CATSPERG: variants seen among roughly 807,000 people sequenced by gnomAD.
The protein encoded by CATSPERG is catsper channel auxiliary subunit gamma, also known as cation channel sperm-associated auxiliary subunit gamma.
In CATSPERG, 115 loss-of-function variants were observed where a neutral mutation model predicts 145.0. The observed-to-expected ratio is 0.79, with a 90% confidence interval of 0.68 to 0.93. The LOEUF (loss-of-function observed/expected upper bound fraction) is 0.93. Among genes scored for constraint, CATSPERG ranks in the 40% least tolerant of loss-of-function variants. The pLI is 0.00. For missense variants in CATSPERG, 1,296 were observed against 1,490.1 expected (o/e 0.87, Z 2.14); for synonymous variants, 588 against 589.0 (o/e 1.00, Z 0.02).
Position 38,346,481 on chromosome 19 carries a change from G to A in CATSPERG, c.701G>A (p.Gly234Asp), listed in dbSNP as rs1310586246. The change falls in exon 7 of 29, where the codon GGT becomes GAT. Residue 234 changes from glycine to aspartate, a missense_variant. By Grantham distance (94) the Gly-to-Asp change is moderately conservative (BLOSUM62 -1). Coordinates refer to ENST00000409235, the MANE Select transcript of CATSPERG (RefSeq NM_021185.5). ...LFNLMPQYFVGVSSRPLWHTV... is the reference protein window; with the variant it reads ...LFNLMPQYFVDVSSRPLWHTV... ...AACCTGATGCCCCAGTACTTTGTGG[G>A]TGTCTCATCGAGGCCCTTGTGGCAC... is the stretch of plus-strand genomic sequence containing the variant. The A allele has an allele frequency of 6.5e-7, 1 of 1,550,154 alleles. No homozygotes were observed. Among genetic ancestry groups the A allele is most frequent in the Admixed American group, 2.0e-5 (1 of 50,960 alleles).
At position 38,337,774 on chromosome 19, in the gene CATSPERG, A is replaced by C. The variant is rs1165286351; in HGVS notation, c.324+128A>C. The C allele has an allele frequency of 4.7e-6, 4 of 842,466 alleles. No individual in the cohort carries two copies. The South Asian group carries it at 7.8e-5, about 16-fold the overall frequency. 52.2% of individuals were successfully genotyped at this position (842,466 alleles called of 1,614,324 possible). ...TGCGCTGTTGCCCAGACTGGAGTGC[A>C]GTGGCGCGATCTCGGCTCACTGCAA... On this transcript the variant is annotated intron_variant, in intron 3 of 28. Coordinates refer to ENST00000409235, the MANE Select transcript of CATSPERG (RefSeq NM_021185.5).
At chr19:38,360,023 G>A (rs942202388) in intron 14 of CATSPERG, 3 of 985,196 alleles carry the variant, frequency 3.0e-6, no homozygotes, top group Non-Finnish European at 3.6e-6. Flanking sequence ...GAGGCTGGAG[G>A]GGATCCCCCA....
chr19:38,346,428 C>G (rs1482709898), intron 6 of CATSPERG, 22 bp from the exon 7 acceptor site: 10 of 1,513,820 alleles, frequency 6.6e-6, no homozygotes, highest in Non-Finnish European at 8.9e-6. Flanking sequence ...GTGTTGGCGT[C>G]CCTCCTGTCC....
intron 6 of CATSPERG, 131 bp downstream of exon 6, chr19:38,344,499 A>C (rs921397383): frequency 1.3e-5 from 10 of 769,144 alleles, no homozygotes; most frequent in Admixed American, 1.0e-4. Context: ...TGAAGATCCC[A>C]TTAATCTCCC....
intron 6 of CATSPERG, among the ~76,000 whole-genome samples, chr19:38,344,851 GAACA>G (rs921620628): frequency 9.8e-6 from 1 of 102,546 alleles, no homozygotes; most frequent in African/African-American, 3.5e-5. Context: ...ACCTGTACAT[GAACA>G]GACACACACA....
chr19:38,336,161 A>T (rs1310936636), intron 1 of CATSPERG: 1 of 455,460 alleles, frequency 2.2e-6, no homozygotes. Context: ...GAAGAGTAAG[A>T]AGTGGGGCAA....
chr19:38,342,730 G>T (rs947987297), intron 3 of CATSPERG, among the ~76,000 whole-genome samples: 1 of 151,828 alleles, frequency 6.6e-6, no homozygotes, highest in African/African-American at 2.4e-5. Context: ...AGCAACCAAG[G>T]CCTCCCCTTG....
chr19:38,348,811 T>C (rs973351231), intron 7 of CATSPERG, among the ~76,000 whole-genome samples: 16 of 152,102 alleles, frequency 1.1e-4, no homozygotes, highest in Admixed American at 7.9e-4. Context: ...TGAAAACAAG[T>C]TCAATGTGAA....
rs73043020 is a variant in CATSPERG at position 38,343,875 on chromosome 19, G to A, written c.470-118G>A. On this transcript the variant is annotated intron_variant, in intron 4 of 28. Transcript: ENST00000409235. ...AGAGGGGCCACACAGAGGCCCCAGT[G>A]GGACCCATGGCGTGGAGGCAGGTAT... 7.9e-4 allele frequency: 1,126 copies of A among 1,417,134 alleles called. 1 individual carries two copies. Among genetic ancestry groups the A allele is most frequent in the Non-Finnish European group, 1.0e-3 (1,080 of 1,051,760 alleles). The allele number at this position is 1,417,134 out of a possible 1,614,324, so 87.8% of individuals were successfully genotyped here. A position where few individuals can be genotyped will look rare whatever the true frequency, so the allele number is the denominator to read the frequency against.
At chr19:38,355,058 A>G (rs1020282982) in intron 9 of CATSPERG, among the ~76,000 whole-genome samples, 9 of 152,228 alleles carry the variant, frequency 5.9e-5, no homozygotes, top group Admixed American at 5.9e-4. Flanking sequence ...TTTAAAGGGC[A>G]GAAGAGCTGG....
At chr19:38,354,367 C>T (rs1970206622) in intron 8 of CATSPERG, among the ~76,000 whole-genome samples, 1 of 152,212 alleles carries the variant, frequency 6.6e-6, no homozygotes, top group Admixed American at 6.5e-5. Context: ...CAACTGTAGA[C>T]TTTTATGCCC....
chr19:38,361,120 G>A (rs1465461561), intron 16 of CATSPERG, among the ~76,000 whole-genome samples: 3 of 152,168 alleles, frequency 2.0e-5, no homozygotes, highest in Admixed American at 2.0e-4. Context: ...GGGTGTTCCA[G>A]AAAGGGGGAA....
At chr19:38,363,737 C>G (rs1970394913) in intron 20 of CATSPERG, among the ~76,000 whole-genome samples, 1 of 152,000 alleles carries the variant, frequency 6.6e-6, no homozygotes, top group Non-Finnish European at 1.5e-5. Context: ...TCCATTTAAC[C>G]CTGAGTGGAC....
chr19:38,341,699 C>T (rs1307071832), intron 3 of CATSPERG, among the ~76,000 whole-genome samples: 10 of 151,762 alleles, frequency 6.6e-5, no homozygotes, highest in East Asian at 3.9e-4. Flanking sequence ...TTCAGGAGTT[C>T]GAGACTAGCC....
intron 3 of CATSPERG, among the ~76,000 whole-genome samples, chr19:38,338,137 T>C (rs577018980): frequency 2.1e-4 from 31 of 150,242 alleles, no homozygotes; most frequent in African/African-American, 7.0e-4. Context: ...TAAGCTTTTT[T>C]GTTCCATGTT....
In CATSPERG at chr19:38,343,985, C is replaced by T. The variant is rs1361818286; in HGVS notation, c.470-8C>T. On this transcript the variant is annotated splice_polypyrimidine_tract_variant and splice_region_variant and intron_variant, in intron 4 of 28. Coordinates refer to ENST00000409235, the MANE Select transcript of CATSPERG (RefSeq NM_021185.5). The stretch of plus-strand genomic sequence containing the variant: ...CCAGCAGTTTCAGTGCCCAGGGCCT[C>T]CCTGCAGAGCCATGCATGGCAGAAG... The T allele has an allele frequency of 6.5e-7, 1 of 1,549,578 alleles. No homozygotes were observed. The highest frequency in any genetic ancestry group is 1.2e-5 in the South Asian group (1 of 83,972).
At position 38,343,515 on chromosome 19, in the gene CATSPERG, G is replaced by T. The variant is rs1969972309; in HGVS notation, c.325-65G>T. ...CCAGGAGACAGACTGTTAGAGGCGG[G>T]CTTAAGGCAGGGGGCACCCAGAGGC... On this transcript the variant is annotated intron_variant, in intron 3 of 28. Transcript: ENST00000409235. 2.9e-5 allele frequency: 42 copies of T among 1,432,338 alleles called. 1 individual carries two copies. In the South Asian group the frequency reaches 5.5e-4, roughly 19 times the overall value. 88.7% of individuals were successfully genotyped at this position (1,432,338 alleles called of 1,614,324 possible).
Position 38,346,445 on chromosome 19 carries a change from G to C in CATSPERG, c.670-5G>C. 6.5e-7 allele frequency: 1 copy of C among 1,533,110 alleles called. No homozygotes were observed. The highest frequency in any genetic ancestry group is 8.8e-7 in the Non-Finnish European group (1 of 1,132,592). The allele number at this position is 1,533,110 out of a possible 1,614,324, so 95.0% of individuals were successfully genotyped here. A position where few individuals can be genotyped will look rare whatever the true frequency, so the allele number is the denominator to read the frequency against. On this transcript the variant is annotated splice_region_variant and splice_polypyrimidine_tract_variant and intron_variant, in intron 6 of 28. Coordinates refer to ENST00000409235, the MANE Select transcript of CATSPERG (RefSeq NM_021185.5). ...GTTGGCGTCCCTCCTGTCCCTCCTT[G>C]GCAGCTCTTCAACCTGATGCCCCAG...
At position 38,353,712 on chromosome 19, in the gene CATSPERG, AAAG is replaced by A. The variant is rs1157345981; in HGVS notation, c.998-995_998-993del. Among the ~76,000 whole-genome samples, 186 of 147,228 alleles carry A rather than the reference AAAG, an allele frequency of 1.3e-3. 4 individuals are homozygous for A. The East Asian group carries it at 0.027, about 22-fold the overall frequency. On this transcript the variant is annotated intron_variant, in intron 8 of 28. Coordinates refer to ENST00000409235, the MANE Select transcript of CATSPERG (RefSeq NM_021185.5). ...ATGCCATCTCAAAAAAAAAAAAAAAAAAGAAAAAGGCCAGGCGCGGTGGCTCAC... is the reference window on the plus strand; with the variant it reads ...ATGCCATCTCAAAAAAAAAAAAAAAAAAAAAGGCCAGGCGCGGTGGCTCAC...
Sources: gnomAD v4.1 joint callset for allele counts (sites outside exome capture counted in the v4.1 genomes callset) on GRCh38, gnomAD v4.1.1 for gene constraint, MANE v1.5 for transcripts, NCBI Gene and HGNC (gene_info 2026-07-23, HGNC 2026-07-21) for gene names.